Variants in STK32B observed in about 807,000 individuals in gnomAD.
STK32B encodes the protein serine/threonine kinase 32B.
A neutral mutation model predicts 52.6 loss-of-function variants in STK32B; 43 were observed. The ratio of observed to expected loss-of-function variants is 0.82; its 90% CI spans 0.64 to 1.05. The LOEUF (loss-of-function observed/expected upper bound fraction) is 1.05. Ranked by LOEUF, STK32B falls within the 50% of genes least tolerant of loss-of-function variation. The pLI is 0.00. For missense variants in STK32B, 621 were observed against 534.6 expected, an observed-to-expected ratio of 1.16 and a Z score of -1.59; for synonymous variants, 238 against 204.3, an observed-to-expected ratio of 1.17 and a Z score of -1.41.
At chr4:5,421,555 T>C (rs567244514) in intron 6 of STK32B, among the ~76,000 whole-genome samples, 1 of 152,324 alleles carries the variant, frequency 6.6e-6, no homozygotes, top group Admixed American at 6.5e-5. Flanking sequence ...CCAGCCCTGA[T>C]GTCTCTGCCT....
At chr4:5,234,653 TTTG>T (rs938462694) in intron 3 of STK32B, among the ~76,000 whole-genome samples, 7 of 152,254 alleles carry the variant, frequency 4.6e-5, no homozygotes, top group Admixed American at 6.5e-5. Context: ...TCTTACAGAC[TTTG>T]TTGTTTATTT....
At chr4:5,318,018 C>A (rs72616113) in intron 3 of STK32B, among the ~76,000 whole-genome samples, 1 of 151,958 alleles carries the variant, frequency 6.6e-6, no homozygotes, top group South Asian at 2.1e-4. Context: ...GTCCCCAGAT[C>A]CTTCTGAATG....
rs771769086 is a variant in STK32B at position 5,466,717 on chromosome 4, C to T, written c.924C>T (p.Asn308=). 4 of 1,613,334 alleles carry T rather than the reference C, an allele frequency of 2.5e-6. No homozygotes were observed. The highest frequency in any genetic ancestry group is 1.3e-5 in the African/African-American group (1 of 74,900). Residue 308 remains asparagine, a synonymous_variant, in exon 10 of 12, where the codon AAC becomes AAT. Transcript: ENST00000282908. The part of the protein sequence containing the change: ...PGFVPNKGRL[N]CDPTFELEEM... ...CTCCCCTTTAGAAAGGGAGGTTGAA[C>T]TGCGATCCCACATTTGAGCTTGAAG...
intron 6 of STK32B, among the ~76,000 whole-genome samples, chr4:5,435,472 T>A (rs934385181): frequency 4.6e-5 from 7 of 152,200 alleles, no homozygotes; most frequent in Middle Eastern, 3.2e-3. Context: ...GCAAGAATCC[T>A]GAGCAGCTAG....
At chr4:5,477,501 G>A (rs932369840) in intron 11 of STK32B, among the ~76,000 whole-genome samples, 2 of 152,048 alleles carry the variant, frequency 1.3e-5, no homozygotes, top group Admixed American at 6.6e-5. Context: ...ACCAGCATCC[G>A]GATCCCCAGA....
At chr4:5,291,532 G>A (rs994322317) in intron 3 of STK32B, among the ~76,000 whole-genome samples, 3 of 152,118 alleles carry the variant, frequency 2.0e-5, no homozygotes, top group Non-Finnish European at 2.9e-5. Flanking sequence ...CTAAATTCAT[G>A]TATTAGTTCT....
At chr4:5,497,186 T>A (rs906566686) in intron 11 of STK32B, among the ~76,000 whole-genome samples, 2 of 152,220 alleles carry the variant, frequency 1.3e-5, no homozygotes, top group African/African-American at 4.8e-5. Flanking sequence ...TTGAACATGT[T>A]AGCAGCTGGA....
intron 3 of STK32B, among the ~76,000 whole-genome samples, chr4:5,231,640 A>G (rs1268451260): frequency 6.6e-6 from 1 of 152,130 alleles, no homozygotes; most frequent in Non-Finnish European, 1.5e-5. Flanking sequence ...CAAAACAAAC[A>G]AAAAACAAAG....
At chr4:5,296,409 A>G (rs180870265) in intron 3 of STK32B, among the ~76,000 whole-genome samples, 1 of 152,334 alleles carries the variant, frequency 6.6e-6, no homozygotes, top group African/African-American at 2.4e-5. Context: ...GTCTCTTCAT[A>G]GGTCTCTAAG....
rs1242075751 is a variant in STK32B at position 5,400,211 on chromosome 4, A to C, written c.472+1967A>C. On this transcript the variant is annotated intron_variant, in intron 5 of 11. Transcript: ENST00000282908. The surrounding 1 kb of genome is among the most constrained non-coding windows in gnomAD (Gnocchi z 6.1). ...GCCACAGCTCCCCTGAAGCTGCTGC[A>C]CAAAAGATATAGGCAGGCGGGCTGC... Among the ~76,000 whole-genome samples, 1 of 152,190 alleles carries C rather than the reference A, an allele frequency of 6.6e-6. No homozygotes were observed. The highest frequency in any genetic ancestry group is 1.5e-5 in the Non-Finnish European group (1 of 68,030).
At chr4:5,227,711 C>T (rs562555745) in intron 3 of STK32B, among the ~76,000 whole-genome samples, 10 of 152,162 alleles carry the variant, frequency 6.6e-5, no homozygotes, top group Admixed American at 1.3e-4. Context: ...TTTCTCCCCC[C>T]CTGGAGAGAA....
chr4:5,401,885 C>G (rs1737313849), intron 5 of STK32B, among the ~76,000 whole-genome samples: 1 of 152,190 alleles, frequency 6.6e-6, no homozygotes, highest in Admixed American at 6.5e-5. Flanking sequence ...CTTGGCTGAT[C>G]TTGGCTGGGC....
chr4:5,370,138 G>T (rs886407073), intron 4 of STK32B, among the ~76,000 whole-genome samples: 1 of 151,668 alleles, frequency 6.6e-6, no homozygotes, highest in Non-Finnish European at 1.5e-5. Flanking sequence ...GCCTCCCAAA[G>T]TGCTGGGATT....
chr4:5,149,046 T>G (rs977294447), intron 2 of STK32B, among the ~76,000 whole-genome samples: 4 of 151,868 alleles, frequency 2.6e-5, no homozygotes, highest in African/African-American at 4.8e-5. Flanking sequence ...AATCTACTTA[T>G]GCTTATTGCG....
At chr4:5,180,496 C>G (rs776367582) in intron 3 of STK32B, among the ~76,000 whole-genome samples, 1 of 152,130 alleles carries the variant, frequency 6.6e-6, no homozygotes, top group African/African-American at 2.4e-5. Flanking sequence ...CTGGTCACCT[C>G]TCTATCACAG....
At chr4:5,495,708 TA>T (rs537639652) in intron 11 of STK32B, among the ~76,000 whole-genome samples, 123 of 152,314 alleles carry the variant, frequency 8.1e-4, no homozygotes, top group African/African-American at 2.8e-3. Flanking sequence ...TTTGTGGTTT[TA>T]TCTACTTTTG....
rs766768158 is a variant in STK32B, at chr4:5,499,098, C to G, written c.*15C>G. 6.2e-7 allele frequency: 1 copy of G among 1,604,590 alleles called. No individual in the cohort carries two copies. Among genetic ancestry groups the G allele is most frequent in the Non-Finnish European group, 8.5e-7 (1 of 1,174,894 alleles). ...GCAGCAGCTGAGCCCACACTTGTTG[C>G]TGCTCAACAGGACTGCACTCGTCTC... On this transcript the variant is annotated 3_prime_UTR_variant, in exon 12 of 12. Coordinates refer to ENST00000282908, the MANE Select transcript of STK32B (RefSeq NM_018401.3).
chr4:5,167,785 T>G (rs1718993042), intron 2 of STK32B, among the ~76,000 whole-genome samples: 1 of 152,274 alleles, frequency 6.6e-6, no homozygotes, highest in African/African-American at 2.4e-5. Context: ...GCTGGTCTGC[T>G]ACATGGGCAG....
At chr4:5,245,277 A>G (rs1285093949) in intron 3 of STK32B, among the ~76,000 whole-genome samples, 1 of 152,154 alleles carries the variant, frequency 6.6e-6, no homozygotes, top group Non-Finnish European at 1.5e-5. Context: ...TTGGGTGCAT[A>G]TATATTTAGG....
Sources: gnomAD v4.1 joint callset for allele counts (sites outside exome capture counted in the v4.1 genomes callset) on GRCh38, gnomAD v4.1.1 for gene constraint, Gnocchi (gnomAD v3.1) non-coding constraint, MANE v1.5 for transcripts, NCBI Gene and HGNC (gene_info 2026-07-23, HGNC 2026-07-21) for gene names.